NOS2: variants seen among roughly 807,000 people sequenced by gnomAD.
NOS2 encodes nitric oxide synthase, inducible.
A neutral mutation model predicts 136.0 loss-of-function variants in NOS2; 96 were observed. That is an observed-to-expected ratio of 0.71 (90% CI 0.60 to 0.84). The LOEUF (loss-of-function observed/expected upper bound fraction) is 0.84. NOS2 is among the 40% of genes least tolerant of loss of function. The pLI is 0.00. For missense variants in NOS2, 1,237 were observed against 1,496.9 expected, an observed-to-expected ratio of 0.83 and a Z score of 2.87; for synonymous variants, 539 against 587.5, an observed-to-expected ratio of 0.92 and a Z score of 1.20.
At chr17:27,792,754 G>A (rs1276569253) in intron 2 of NOS2, among the ~76,000 whole-genome samples, 1 of 143,516 alleles carries the variant, frequency 7.0e-6, no homozygotes, top group Admixed American at 7.4e-5. Context: ...CGAGGTGGGC[G>A]GATCACTCGA....
intron 9 of NOS2, 63 bp from the exon 10 acceptor site, chr17:27,779,119 T>C: frequency 8.0e-7 from 1 of 1,243,730 alleles, no homozygotes; most frequent in Non-Finnish European, 1.0e-6. Flanking sequence ...TTATTATTTT[T>C]TTTTTAGTGA....
At chr17:27,766,908 C>A (rs1227823849) in intron 18 of NOS2, among the ~76,000 whole-genome samples, 1 of 147,202 alleles carries the variant, frequency 6.8e-6, no homozygotes, top group Non-Finnish European at 1.5e-5. Flanking sequence ...CCCAGCTACA[C>A]GAGAATCACT....
rs1567645437 is a variant in NOS2, at chr17:27,799,528, C to T, written c.-73-646G>A. On this transcript the variant is annotated intron_variant, in intron 1 of 26. Transcript: ENST00000313735. ...AGGCAAAAACTCTGTCTTTAGAAGACAGTGTAGTGAATATAGTCCATGTAA... is the reference window on the plus strand; with the variant it reads ...AGGCAAAAACTCTGTCTTTAGAAGATAGTGTAGTGAATATAGTCCATGTAA... Among the ~76,000 whole-genome samples the T allele has an allele frequency of 2.6e-5, 4 of 152,196 alleles. No homozygotes were observed. The East Asian group carries it at 7.7e-4, about 29-fold the overall frequency.
At chr17:27,791,423 G>C (rs1422925656) in intron 2 of NOS2, among the ~76,000 whole-genome samples, 4 of 152,030 alleles carry the variant, frequency 2.6e-5, no homozygotes, top group African/African-American at 9.7e-5. Flanking sequence ...ATCTGATCAG[G>C]GTCCTCATCC....
chr17:27,764,047 C>T lies in NOS2; in HGVS notation c.2526G>A (p.Leu842=). The T allele has an allele frequency of 6.2e-7, 1 of 1,613,694 alleles. No individual in the cohort carries two copies. Among genetic ancestry groups the T allele is most frequent in the Non-Finnish European group, 8.5e-7 (1 of 1,179,764 alleles). ...LDITTPPTQL[L]LQKLAQVATE... ...TGGCCACCTGGGCCAGCTTTTGGAG[C>T]AGCAGCTGGGTTGGGGGTGTGGTGA... Residue 842 remains leucine, a synonymous_variant, in exon 21 of 27, where the codon CTG becomes CTA. Coordinates refer to ENST00000313735, the MANE Select transcript of NOS2 (RefSeq NM_000625.4).
intron 5 of NOS2, among the ~76,000 whole-genome samples, chr17:27,784,048 C>T (rs1182000700): frequency 2.0e-5 from 3 of 152,032 alleles, no homozygotes; most frequent in African/African-American, 7.2e-5. Flanking sequence ...ACTCCATATG[C>T]AATTCTAAAC....
chr17:27,781,972 G>C, intron 7 of NOS2, 43 bp downstream of exon 7: 1 of 1,562,226 alleles, frequency 6.4e-7, no homozygotes, highest in Non-Finnish European at 8.8e-7. Flanking sequence ...AAGATTCTCA[G>C]GCAAGGCAAG....
chr17:27,759,934 G>A, intron 25 of NOS2, 96 bp downstream of exon 25: 1 of 1,260,308 alleles, frequency 7.9e-7, no homozygotes, highest in Non-Finnish European at 1.1e-6. Flanking sequence ...GAGCTCAGGA[G>A]GTGAAGGCTC....
At position 27,784,859 on chromosome 17, in the gene NOS2, G is replaced by A. The variant is rs1908970244; in HGVS notation, c.468-1753C>T. On this transcript the variant is annotated intron_variant, in intron 5 of 26. Transcript: ENST00000313735. The stretch of plus-strand genomic sequence containing the variant: ...TGCCATTCCCCGTTCACACCCCCAG[G>A]TTCTCTTGCTCAGGGAAGCAGGGGT... Among the ~76,000 whole-genome samples the A allele has an allele frequency of 1.3e-5, 2 of 152,290 alleles. 1 individual carries two copies. The highest frequency in any genetic ancestry group is 6.8e-3 in the Middle Eastern group (2 of 292).
intron 2 of NOS2, among the ~76,000 whole-genome samples, chr17:27,796,316 G>A (rs1429566380): frequency 6.6e-6 from 1 of 152,100 alleles, no homozygotes; most frequent in Non-Finnish European, 1.5e-5. Flanking sequence ...CAGGCGTGGT[G>A]GCACATGCCT....
chr17:27,781,227 C>T (rs907488447), intron 7 of NOS2, 50 bp from the exon 8 acceptor site: 3 of 1,563,500 alleles, frequency 1.9e-6, no homozygotes, highest in African/African-American at 2.7e-5. Flanking sequence ...TGGTGGGGGC[C>T]CAGCCATCCT....
intron 21 of NOS2, 57 bp from the exon 22 acceptor site, chr17:27,763,062 G>C: frequency 1.8e-6 from 2 of 1,137,970 alleles, no homozygotes; most frequent in Non-Finnish European, 1.3e-6. Flanking sequence ...TTGGGGAAAA[G>C]ACTGTCACAA....
rs1280257396 is a variant in NOS2 at position 27,763,966 on chromosome 17, A to G, written c.2592+15T>C. ...CCCCCACATACCCCCACTGCCCACCAGCCCTGATCTTCACCTGGCACAGGG... is the reference window on the plus strand; with the variant it reads ...CCCCCACATACCCCCACTGCCCACCGGCCCTGATCTTCACCTGGCACAGGG... On this transcript the variant is annotated intron_variant, in intron 21 of 26. Coordinates refer to ENST00000313735, the MANE Select transcript of NOS2 (RefSeq NM_000625.4). The G allele has an allele frequency of 1.2e-6, 2 of 1,608,360 alleles. No homozygotes were observed. Among genetic ancestry groups the G allele is most frequent in the Non-Finnish European group, 1.7e-6 (2 of 1,177,596 alleles).
Position 27,780,782 on chromosome 17 carries a change from G to A in NOS2, c.989C>T (p.Ala330Val), listed in dbSNP as rs779676969. 2 of 1,614,206 alleles carry A rather than the reference G, an allele frequency of 1.2e-6. No homozygotes were observed. Reference protein sequence around the residue: ...EIPPDLVLEVAMEHPKYEWFR... With the variant: ...EIPPDLVLEVVMEHPKYEWFR... Reference sequence around the variant, plus strand: ...GCCTACTTACTTGGGATGTTCCATGGCCACCTCAAGCACAAGGTCAGGTGG... The same window carrying A: ...GCCTACTTACTTGGGATGTTCCATGACCACCTCAAGCACAAGGTCAGGTGG... The change falls in exon 9 of 27, where the codon GCC (alanine) becomes GTC (valine). Residue 330 changes from alanine (A) to valine (V), a missense_variant. Around this residue, in one of 3 missense-constraint regions of NOS2, gnomAD observed 440 missense variants for 545.4 expected, o/e 0.81. Transcript: ENST00000313735.
intron 13 of NOS2, 127 bp downstream of exon 13, chr17:27,773,034 C>T: frequency 1.2e-6 from 1 of 826,714 alleles, no homozygotes; most frequent in Non-Finnish European, 2.1e-6. Flanking sequence ...GACCCTGTCT[C>T]AAAAACAAAA....
At chr17:27,768,462 T>A (rs1376153946) in intron 17 of NOS2, among the ~76,000 whole-genome samples, 1 of 152,156 alleles carries the variant, frequency 6.6e-6, no homozygotes, top group Non-Finnish European at 1.5e-5. Context: ...GGCCTGGGCT[T>A]TGGAACCAAG....
Position 27,760,063 on chromosome 17 carries a change from G to C in NOS2, c.3126C>G (p.His1042Gln). ...TGCCAGGCAGGCGGGAATAGGCTGT[G>C]TGCACCGCATGCAGCACCCCCTTCT... ...MAQKGVLHAV[H>Q]TAYSRLPGKP... Residue 1042 changes from histidine to glutamine, a missense_variant, in exon 25 of 27, where the codon CAC becomes CAG. This residue lies in a region of NOS2 where 782 missense variants were observed against 909.9 expected (regional missense o/e 0.86). Coordinates refer to ENST00000313735, the MANE Select transcript of NOS2 (RefSeq NM_000625.4). 6.3e-7 allele frequency: 1 copy of C among 1,588,832 alleles called. No homozygotes were observed. Among genetic ancestry groups the C allele is most frequent in the Non-Finnish European group, 8.6e-7 (1 of 1,168,892 alleles).
chr17:27,791,776 ACAAAACAAAACAAAACAAAACAAAAC>A (rs1909197148), intron 2 of NOS2, among the ~76,000 whole-genome samples: 2 of 137,026 alleles, frequency 1.5e-5, no homozygotes, highest in African/African-American at 5.9e-5. Context: ...CCAGAAAAAA[ACAAAACAAAACAAAACAAAACAAAAC>A]AAAAATATAT....
chr17:27,766,450 T>G, intron 19 of NOS2, 60 bp downstream of exon 19: 1 of 1,398,132 alleles, frequency 7.2e-7, no homozygotes, highest in Non-Finnish European at 1.0e-6. Context: ...CTTCTGATCT[T>G]TCATTCGTTA....
Sources: allele counts gnomAD v4.1 joint callset (sites outside exome capture counted in the v4.1 genomes callset), GRCh38; gene constraint gnomAD v4.1.1; regional missense constraint gnomAD v4.1.1; transcripts MANE v1.5; gene names NCBI Gene and HGNC (gene_info 2026-07-23, HGNC 2026-07-21).